ALK: variants seen among roughly 807,000 people sequenced by gnomAD.
The protein encoded by ALK is ALK tyrosine kinase receptor.
ALK carries 74 observed loss-of-function variants against 163.1 expected under a neutral mutation model. The observed-to-expected ratio is 0.45, with a 90% confidence interval of 0.38 to 0.55. ALK has a LOEUF of 0.55. ALK is among the 20% of genes least tolerant of loss of function. The pLI is 0.00. For synonymous variants in ALK, 960 were observed against 843.2 expected, an observed-to-expected ratio of 1.14 and a Z score of -2.40; for missense variants, 2,063 against 2,105.3, an observed-to-expected ratio of 0.98 and a Z score of 0.39.
At chr2:29,335,220 A>C (rs1667574765) in intron 5 of ALK, among the ~76,000 whole-genome samples, 2 of 152,208 alleles carry the variant, frequency 1.3e-5, no homozygotes, top group South Asian at 4.1e-4. Context: ...CACTCTGGGA[A>C]GAGTCGGTGC....
chr2:29,333,785 T>A (rs1241763421), intron 5 of ALK, among the ~76,000 whole-genome samples: 1 of 151,806 alleles, frequency 6.6e-6, no homozygotes, highest in East Asian at 1.9e-4. Flanking sequence ...CCTGGCTGCC[T>A]TTTTTTTGGA....
At chr2:29,639,329 G>A (rs1014737661) in intron 3 of ALK, among the ~76,000 whole-genome samples, 8 of 152,100 alleles carry the variant, frequency 5.3e-5, no homozygotes, top group African/African-American at 1.9e-4. Flanking sequence ...GTGTCCTTGC[G>A]TGGTGCACAG....
chr2:29,740,501 A>G (rs1680027652), intron 1 of ALK, among the ~76,000 whole-genome samples: 1 of 152,196 alleles, frequency 6.6e-6, no homozygotes, highest in African/African-American at 2.4e-5. Flanking sequence ...TCTTTGGACC[A>G]TGACAATTCC....
intron 1 of ALK, among the ~76,000 whole-genome samples, chr2:29,786,843 G>A (rs1453974156): frequency 2.0e-5 from 3 of 152,072 alleles, no homozygotes; most frequent in Non-Finnish European, 2.9e-5. Flanking sequence ...CCAGGCTGGA[G>A]TGCAACAGCA....
intron 1 of ALK, among the ~76,000 whole-genome samples, chr2:29,807,530 T>A (rs1487246347): frequency 6.6e-6 from 1 of 152,180 alleles, no homozygotes; most frequent in African/African-American, 2.4e-5. Context: ...CAGGCTCTGA[T>A]GATTTGCTGA....
chr2:29,397,728 A>G (rs1024876566), intron 4 of ALK, among the ~76,000 whole-genome samples: 4 of 152,158 alleles, frequency 2.6e-5, no homozygotes, highest in Non-Finnish European at 5.9e-5. Context: ...CTACACGTTT[A>G]CCTCTGCCTC....
chr2:29,491,576 G>A (rs928312013), intron 4 of ALK, among the ~76,000 whole-genome samples: 1 of 152,134 alleles, frequency 6.6e-6, no homozygotes, highest in Admixed American at 6.6e-5. Flanking sequence ...CACATAGCAC[G>A]AGCAACATTA....
At chr2:29,396,588 C>T (rs900914925) in intron 4 of ALK, among the ~76,000 whole-genome samples, 5 of 152,036 alleles carry the variant, frequency 3.3e-5, no homozygotes, top group African/African-American at 4.8e-5. Flanking sequence ...GCAGGAGAAT[C>T]GCTTGAACCC....
intron 1 of ALK, among the ~76,000 whole-genome samples, chr2:29,888,385 G>T (rs1395898438): frequency 1.3e-5 from 2 of 151,692 alleles, no homozygotes; most frequent in Non-Finnish European, 2.9e-5. Flanking sequence ...TAAACATCAA[G>T]ATAAAATATG....
At chr2:29,277,002 A>G (rs1459013700) in intron 9 of ALK, among the ~76,000 whole-genome samples, 1 of 152,194 alleles carries the variant, frequency 6.6e-6, no homozygotes, top group Non-Finnish European at 1.5e-5. Context: ...AGTCTGATAA[A>G]GGTGTTAGAA....
At chr2:29,239,577 G>A in intron 13 of ALK, 103 bp downstream of exon 13, 1 of 1,391,220 alleles carries the variant, frequency 7.2e-7, no homozygotes, top group Non-Finnish European at 1.0e-6. Context: ...TCATTCTCCT[G>A]GTATGAACTT....
intron 4 of ALK, among the ~76,000 whole-genome samples, chr2:29,524,813 T>C (rs1472331842): frequency 6.6e-6 from 1 of 151,578 alleles, no homozygotes; most frequent in African/African-American, 2.4e-5. Context: ...GATGGATGGA[T>C]GGATGGATGG....
intron 4 of ALK, among the ~76,000 whole-genome samples, chr2:29,434,835 A>G (rs931263963): frequency 6.6e-6 from 1 of 152,158 alleles, no homozygotes; most frequent in African/African-American, 2.4e-5. Context: ...GCCTTTTTCC[A>G]TTAGGTCCAT....
chr2:29,670,397 A>T (rs1336970624), intron 3 of ALK, among the ~76,000 whole-genome samples: 1 of 151,974 alleles, frequency 6.6e-6, no homozygotes. Flanking sequence ...GATGAATTGG[A>T]GTTCCTTTAT....
intron 5 of ALK, among the ~76,000 whole-genome samples, chr2:29,332,285 CAAAAAAAAAAAAAAAAA>C (rs57598066): frequency 9.8e-4 from 18 of 18,354 alleles, no homozygotes; most frequent in South Asian, 2.1e-3. Context: ...GACTCCATCT[CAAAAAAAAAAAAAAAAA>C]AAAAAAAAAA....
At chr2:29,568,953 C>T (rs1481696185) in intron 3 of ALK, among the ~76,000 whole-genome samples, 1 of 151,806 alleles carries the variant, frequency 6.6e-6, no homozygotes, top group Admixed American at 6.6e-5. Flanking sequence ...TGGGTCTCTC[C>T]ACCTTTTACC....
intron 4 of ALK, among the ~76,000 whole-genome samples, chr2:29,464,935 A>G: frequency 6.6e-6 from 1 of 152,212 alleles, no homozygotes; most frequent in Non-Finnish European, 1.5e-5. Context: ...AGACTGGAAA[A>G]AATTAACAGA....
chr2:29,529,266 A>G (rs1433989973), intron 4 of ALK, among the ~76,000 whole-genome samples: 3 of 152,044 alleles, frequency 2.0e-5, no homozygotes, highest in Non-Finnish European at 4.4e-5. Flanking sequence ...TATTATTACA[A>G]CTTCCTCCCT....
chr2:29,326,567 A>G (rs1423534730), intron 6 of ALK, among the ~76,000 whole-genome samples: 1 of 152,206 alleles, frequency 6.6e-6, no homozygotes, highest in Non-Finnish European at 1.5e-5. Flanking sequence ...ACTTTGGGCC[A>G]TGTGTGTAGT....
Sources: gnomAD v4.1 joint callset for allele counts (sites outside exome capture counted in the v4.1 genomes callset) on GRCh38, gnomAD v4.1.1 for gene constraint, MANE v1.5 for transcripts, NCBI Gene and HGNC (gene_info 2026-07-23, HGNC 2026-07-21) for gene names.